Variants in PHF24 observed in about 807,000 individuals in gnomAD.
The protein encoded by PHF24 is Galpha inhibitory interacting protein.
PHF24 carries 25 observed loss-of-function variants against 42.6 expected under a neutral mutation model. The observed-to-expected ratio is 0.59, with a 90% CI of 0.43 to 0.82. The LOEUF (loss-of-function observed/expected upper bound fraction) is 0.82. Ranked by LOEUF, PHF24 falls within the 40% of genes least tolerant of loss-of-function variation. The pLI is 0.00. For missense variants in PHF24, 470 were observed against 538.1 expected, an observed-to-expected ratio of 0.87 and a Z score of 1.25; for synonymous variants, 185 against 204.8, an observed-to-expected ratio of 0.90 and a Z score of 0.83.
the PHF24 span, among the ~76,000 whole-genome samples, chr9:34,755,361 TGAA>T: frequency 2.6e-5 from 4 of 152,114 alleles, no homozygotes; most frequent in Admixed American, 1.3e-4. Context: ...AAATAAAAAA[TGAA>T]GAATTCCCTT....
the PHF24 span, among the ~76,000 whole-genome samples, chr9:34,899,188 G>A: frequency 4.9e-4 from 75 of 152,278 alleles, no homozygotes; most frequent in Admixed American, 1.6e-3. Flanking sequence ...GGTTGAGAGC[G>A]AACAGCAAAC....
At chr9:34,796,432 C>A in the PHF24 span, among the ~76,000 whole-genome samples, 7 of 141,682 alleles carry the variant, frequency 4.9e-5, no homozygotes, top group South Asian at 1.5e-3. Context: ...TAAAAAAAAA[C>A]AAGATATTGA....
chr9:34,971,261 G>C, intron 1 of PHF24, 34 bp from the exon 2 acceptor site: 1 of 1,558,784 alleles, frequency 6.4e-7, no homozygotes, highest in Admixed American at 1.8e-5. Flanking sequence ...TCAGCCATTG[G>C]CTGAACCTGT....
At chr9:34,944,642 A>T in the PHF24 span, among the ~76,000 whole-genome samples, 91 of 152,316 alleles carry the variant, frequency 6.0e-4, no homozygotes, top group African/African-American at 2.2e-3. Flanking sequence ...TGTATGCCAT[A>T]TGCCAGGGCC....
the PHF24 span, among the ~76,000 whole-genome samples, chr9:34,929,738 C>T: frequency 6.6e-6 from 1 of 152,330 alleles, no homozygotes; most frequent in African/African-American, 2.4e-5. Context: ...CACATACTGC[C>T]GTGGGAGAAT....
chr9:34,780,453 AT>A, the PHF24 span, among the ~76,000 whole-genome samples: 2 of 150,372 alleles, frequency 1.3e-5, no homozygotes, highest in Non-Finnish European at 3.0e-5. Context: ...CACCCAGTTA[AT>A]TTTTGTATTT....
the PHF24 span, among the ~76,000 whole-genome samples, chr9:34,886,762 G>A: frequency 1.3e-5 from 2 of 150,708 alleles, no homozygotes; most frequent in African/African-American, 4.9e-5. Context: ...CTATCTGTCT[G>A]TCTGTCTGTC....
the PHF24 span, among the ~76,000 whole-genome samples, chr9:34,705,844 G>T: frequency 1.3e-5 from 2 of 152,202 alleles, no homozygotes; most frequent in Admixed American, 6.5e-5. Context: ...CGGGTGGAGC[G>T]CTTGAGCCCA....
the PHF24 span, among the ~76,000 whole-genome samples, chr9:34,939,027 TC>T: frequency 6.7e-6 from 1 of 149,532 alleles, no homozygotes; most frequent in East Asian, 2.0e-4. Context: ...TCACCTGTAA[TC>T]CCAGCACTTT....
chr9:34,739,783 T>G, the PHF24 span, among the ~76,000 whole-genome samples: 1 of 152,136 alleles, frequency 6.6e-6, no homozygotes, highest in Non-Finnish European at 1.5e-5. Flanking sequence ...CCCAGCGTGT[T>G]GCCGCTGCTG....
At chr9:34,966,098 G>A (rs1378300123) in intron 1 of PHF24, among the ~76,000 whole-genome samples, 1 of 152,112 alleles carries the variant, frequency 6.6e-6, no homozygotes, top group Non-Finnish European at 1.5e-5. Context: ...CTGTTTTGTA[G>A]TCTATGTCAC....
At chr9:34,786,550 A>T in the PHF24 span, among the ~76,000 whole-genome samples, 6 of 152,236 alleles carry the variant, frequency 3.9e-5, no homozygotes, top group Admixed American at 2.0e-4. Context: ...AAATTGGTCT[A>T]TAACATTATA....
chr9:34,822,207 T>C, the PHF24 span, among the ~76,000 whole-genome samples: 511 of 152,316 alleles, frequency 3.4e-3, 6 homozygotes, highest in African/African-American at 0.012. Context: ...ATCTTACATT[T>C]ACCGACATAG....
At chr9:34,795,009 A>G in the PHF24 span, among the ~76,000 whole-genome samples, 1 of 152,182 alleles carries the variant, frequency 6.6e-6, no homozygotes, top group Non-Finnish European at 1.5e-5. Context: ...AATACAAAGA[A>G]ATTTATGCTC....
intron 3 of PHF24, among the ~76,000 whole-genome samples, chr9:34,974,041 G>C (rs979024270): frequency 2.0e-5 from 3 of 151,812 alleles, no homozygotes; most frequent in African/African-American, 7.3e-5. Context: ...GGGTCTCACT[G>C]TGTCACCTGG....
chr9:34,875,619 T>TG, the PHF24 span, among the ~76,000 whole-genome samples: 1 of 152,072 alleles, frequency 6.6e-6, no homozygotes, highest in African/African-American at 2.4e-5. Flanking sequence ...ATAGTCACAG[T>TG]GAAAAAAATG....
At chr9:34,701,517 A>T in the PHF24 span, among the ~76,000 whole-genome samples, 1 of 152,098 alleles carries the variant, frequency 6.6e-6, no homozygotes, top group South Asian at 2.1e-4. This position sits in a 1 kb window ranked among gnomAD's most constrained non-coding sequence, Gnocchi z 5.8. Context: ...GGGTGGGCGC[A>T]TGCGGCTGTG....
At chr9:34,850,184 T>C in the PHF24 span, among the ~76,000 whole-genome samples, 2 of 152,326 alleles carry the variant, frequency 1.3e-5, no homozygotes, top group East Asian at 3.9e-4. Flanking sequence ...CTGGATAATA[T>C]CCTGCAGAGT....
chr9:34,735,696 G>A, the PHF24 span, among the ~76,000 whole-genome samples: 351 of 151,910 alleles, frequency 2.3e-3, 1 homozygote, highest in African/African-American at 7.6e-3. Context: ...CTACTCAGGA[G>A]GCTGAGACAG....
Sources: allele counts gnomAD v4.1 joint callset (sites outside exome capture counted in the v4.1 genomes callset), GRCh38; gene constraint gnomAD v4.1.1; non-coding constraint Gnocchi (gnomAD v3.1); transcripts MANE v1.5; gene names NCBI Gene and HGNC (gene_info 2026-07-23, HGNC 2026-07-21).